The following CDA variants were observed in gnomAD, a reference collection of about 807,000 sequenced individuals.
The protein encoded by CDA is cytidine deaminase, also known as cytidine aminohydrolase.
Under a neutral mutation model 15.0 loss-of-function variants are expected in CDA, and 7 were observed. The observed-to-expected ratio is 0.47, with a 90% CI of 0.26 to 0.87. CDA has a LOEUF of 0.87. Ranked by LOEUF, CDA falls within the 40% of genes least tolerant of loss-of-function variation. The pLI is 0.15. For synonymous variants in CDA, 58 were observed against 73.0 expected (o/e 0.79, Z 1.05); for missense variants, 159 against 182.7 (o/e 0.87, Z 0.75).
intron 3 of CDA, among the ~76,000 whole-genome samples, chr1:20,615,939 G>A (rs1319595183): frequency 6.6e-6 from 1 of 152,176 alleles, no homozygotes; most frequent in Non-Finnish European, 1.5e-5. Context: ...GGTCAAGGCT[G>A]CAGTGAGCTG....
In CDA at chr1:20,601,369, C is replaced by G. The variant is rs193025753; in HGVS notation, c.155-3559C>G. ...TCATAGGAGACAAGATGGCAGCTCCCATTTGAACTACATGCTGGGGAATAA... is the reference window on the plus strand; with the variant it reads ...TCATAGGAGACAAGATGGCAGCTCCGATTTGAACTACATGCTGGGGAATAA... On this transcript the variant is annotated intron_variant, in intron 1 of 3. Transcript: ENST00000375071. Among the ~76,000 whole-genome samples the G allele has an allele frequency of 7.7e-4, 118 of 152,336 alleles. 1 individual carries two copies. The highest frequency in any genetic ancestry group is 2.3e-3 in the African/African-American group (97 of 41,574).
Position 20,610,086 on chromosome 1 carries a change from C to G in CDA, c.267-3756C>G, listed in dbSNP as rs566155099. Among the ~76,000 whole-genome samples, 3 of 152,128 alleles carry G rather than the reference C, an allele frequency of 2.0e-5. No homozygotes were observed. The East Asian group carries it at 5.8e-4, about 29-fold the overall frequency. On this transcript the variant is annotated intron_variant, in intron 2 of 3. Coordinates refer to ENST00000375071, the MANE Select transcript of CDA (RefSeq NM_001785.3). ...GGTGGTTGATCAGTTGCCTAGCTCC[C>G]CTCACTAGTCTATAAACTCCTGAGC...
At position 20,598,190 on chromosome 1, in the gene CDA, G is replaced by C. The variant is rs528978572; in HGVS notation, c.155-6738G>C. Among the ~76,000 whole-genome samples, 22 of 152,304 alleles carry C rather than the reference G, an allele frequency of 1.4e-4. 1 individual carries two copies. The South Asian group carries it at 4.6e-3, about 32-fold the overall frequency. ...CCAATGCAACAGTGTTGGGAGGTGG[G>C]ACCTAATAAGAGGTGTTTAGGTCAT... is the stretch of plus-strand genomic sequence containing the variant. On this transcript the variant is annotated intron_variant, in intron 1 of 3. Coordinates refer to ENST00000375071, the MANE Select transcript of CDA (RefSeq NM_001785.3).
At chr1:20,611,346 G>T (rs574557447) in intron 2 of CDA, among the ~76,000 whole-genome samples, 241 of 152,308 alleles carry the variant, frequency 1.6e-3, no homozygotes, top group African/African-American at 5.7e-3. Context: ...TGTGGTGCAG[G>T]CTTGGAATTT....
intron 1 of CDA, among the ~76,000 whole-genome samples, chr1:20,600,337 A>G (rs952228278): frequency 4.6e-5 from 7 of 152,286 alleles, no homozygotes; most frequent in Admixed American, 2.0e-4. Context: ...TGGGAGAGTC[A>G]CTAGGCTGGG....
chr1:20,596,607 T>G (rs1452251856), intron 1 of CDA, among the ~76,000 whole-genome samples: 3 of 152,166 alleles, frequency 2.0e-5, no homozygotes, highest in Non-Finnish European at 4.4e-5. Context: ...AACATTCTGA[T>G]GCCCACTTGC....
In CDA at chr1:20,589,299, C is replaced by A. The variant is rs1021843184; in HGVS notation, c.154+16C>A. ...ATCTTCAAAGGTAAAGGTGGGCACC[C>A]CAGGGTCCCCCAGCCCAGCAGCCTG... On this transcript the variant is annotated intron_variant, in intron 1 of 3. Transcript: ENST00000375071. The A allele has an allele frequency of 1.9e-6, 3 of 1,611,866 alleles. No homozygotes were observed. The highest frequency in any genetic ancestry group is 1.1e-5 in the South Asian group (1 of 91,042).
chr1:20,614,146 G>A (rs564913787), intron 3 of CDA, among the ~76,000 whole-genome samples: 1 of 152,316 alleles, frequency 6.6e-6, no homozygotes, highest in East Asian at 1.9e-4. Context: ...TAGCTCTGGG[G>A]AGGCACAGGG....
chr1:20,613,456 C>G (rs571357886), intron 2 of CDA, among the ~76,000 whole-genome samples: 4 of 152,168 alleles, frequency 2.6e-5, no homozygotes, highest in African/African-American at 9.7e-5. Flanking sequence ...CCACCCACCT[C>G]GGCCTCCCAA....
chr1:20,612,431 A>G (rs1469584404), intron 2 of CDA, among the ~76,000 whole-genome samples: 1 of 151,490 alleles, frequency 6.6e-6, no homozygotes. Context: ...CAACTAACCA[A>G]TCGATCTTGT....
At chr1:20,601,119 C>T (rs1029522188) in intron 1 of CDA, among the ~76,000 whole-genome samples, 2 of 152,202 alleles carry the variant, frequency 1.3e-5, no homozygotes, top group East Asian at 3.8e-4. Flanking sequence ...GTAGCCAGAC[C>T]TCAGGGGCAA....
At chr1:20,599,389 C>A (rs151058097) in intron 1 of CDA, among the ~76,000 whole-genome samples, 7 of 151,952 alleles carry the variant, frequency 4.6e-5, no homozygotes, top group African/African-American at 1.5e-4. Flanking sequence ...GAGGCTGAGG[C>A]GGGTGGATCA....
At chr1:20,604,104 C>A (rs1317638124) in intron 1 of CDA, among the ~76,000 whole-genome samples, 1 of 151,832 alleles carries the variant, frequency 6.6e-6, no homozygotes, top group Non-Finnish European at 1.5e-5. Context: ...TGTTTTGCAA[C>A]ACAACTGACA....
Position 20,618,660 on chromosome 1 carries a change from A to G in CDA, c.*92A>G. ...TGGGGACACCTGCCCAGTGGGCCCCAGCCCTACAGGGACTGGGCAAAGATG... is the reference window on the plus strand; with the variant it reads ...TGGGGACACCTGCCCAGTGGGCCCCGGCCCTACAGGGACTGGGCAAAGATG... On this transcript the variant is annotated 3_prime_UTR_variant, in exon 4 of 4. Transcript: ENST00000375071. 1.2e-6 allele frequency: 1 copy of G among 821,008 alleles called. No homozygotes were observed. Among genetic ancestry groups the G allele is most frequent in the Non-Finnish European group, 2.2e-6 (1 of 462,778 alleles). The allele number at this position is 821,008 out of a possible 1,614,324, so 50.9% of individuals were successfully genotyped here.
At chr1:20,608,448 C>T (rs979649330) in intron 2 of CDA, among the ~76,000 whole-genome samples, 3 of 76,306 alleles carry the variant, frequency 3.9e-5, no homozygotes, top group African/African-American at 1.3e-4. Context: ...CTCTCTGTGC[C>T]GCCCAGGCTG....
chr1:20,614,501 A>G (rs1288226230), intron 3 of CDA, among the ~76,000 whole-genome samples: 1 of 152,252 alleles, frequency 6.6e-6, no homozygotes, highest in Non-Finnish European at 1.5e-5. Flanking sequence ...CAAAGGCCAC[A>G]TGGCCTCTAA....
intron 1 of CDA, among the ~76,000 whole-genome samples, chr1:20,601,769 T>C (rs2052646169): frequency 6.6e-6 from 1 of 152,074 alleles, no homozygotes; most frequent in Non-Finnish European, 1.5e-5. Flanking sequence ...AATGACCAAA[T>C]AATTCCCAAA....
chr1:20,605,188 T>A (rs1294692094), intron 2 of CDA, 149 bp downstream of exon 2: 5 of 698,752 alleles, frequency 7.2e-6, no homozygotes, highest in Non-Finnish European at 1.3e-5. Context: ...CTGGGATGAG[T>A]GCTGAGGATA....
intron 3 of CDA, among the ~76,000 whole-genome samples, chr1:20,616,382 T>A (rs775393642): frequency 2.0e-5 from 3 of 152,142 alleles, no homozygotes; most frequent in African/African-American, 7.2e-5. Context: ...TTTCAAAGCA[T>A]CTGGGGATGC....
Sources: gnomAD v4.1 joint callset for allele counts (sites outside exome capture counted in the v4.1 genomes callset) on GRCh38, gnomAD v4.1.1 for gene constraint, MANE v1.5 for transcripts, NCBI Gene and HGNC (gene_info 2026-07-23, HGNC 2026-07-21) for gene names.